The following LHFPL3 variants were observed in gnomAD, a reference collection of about 807,000 sequenced individuals.
LHFPL3 encodes the protein LHFPL tetraspan subfamily member 3, also known as LHFPL tetraspan subfamily member 3 protein.
A neutral mutation model predicts 19.3 loss-of-function variants in LHFPL3; 5 were observed. The observed-to-expected ratio is 0.26, with a 90% CI of 0.14 to 0.54. The LOEUF (loss-of-function observed/expected upper bound fraction) is 0.54, where lower values mean the gene tolerates loss of function less well. LHFPL3 is among the 20% of genes least tolerant of loss of function. LHFPL3 has a pLI of 0.94. For synonymous variants in LHFPL3, 133 were observed against 126.2 expected, an observed-to-expected ratio of 1.05 and a Z score of -0.36; for missense variants, 249 against 307.4, an observed-to-expected ratio of 0.81 and a Z score of 1.42.
At chr7:104,584,613 G>T (rs191139963) in intron 1 of LHFPL3, among the ~76,000 whole-genome samples, 8 of 152,232 alleles carry the variant, frequency 5.3e-5, no homozygotes, top group African/African-American at 1.9e-4. Flanking sequence ...GTAGACTTCA[G>T]TTGTTATATA....
At chr7:104,634,908 A>G (rs1791705046) in intron 1 of LHFPL3, among the ~76,000 whole-genome samples, 2 of 152,224 alleles carry the variant, frequency 1.3e-5, no homozygotes, top group African/African-American at 4.8e-5. Flanking sequence ...CATGAAATGT[A>G]GAAACTAAAA....
intron 1 of LHFPL3, among the ~76,000 whole-genome samples, chr7:104,480,293 T>C (rs1270754590): frequency 5.3e-5 from 8 of 152,150 alleles, no homozygotes; most frequent in African/African-American, 1.9e-4. Context: ...TCTAGCTCAG[T>C]ACCTGATGCA....
chr7:104,598,260 C>A (rs1289405855), intron 1 of LHFPL3, among the ~76,000 whole-genome samples: 1 of 152,178 alleles, frequency 6.6e-6, no homozygotes, highest in Non-Finnish European at 1.5e-5. Context: ...TCATACAATT[C>A]TGACTGAAAA....
At chr7:104,525,033 T>TG (rs1391373290) in intron 1 of LHFPL3, among the ~76,000 whole-genome samples, 48 of 152,348 alleles carry the variant, frequency 3.2e-4, no homozygotes, top group African/African-American at 1.1e-3. Context: ...GAGAAGGTGG[T>TG]GCTGATTTAA....
rs541500860 is a variant in LHFPL3 at position 104,798,659 on chromosome 7, A to G, written c.682+61748A>G. Reference sequence around the variant, plus strand: ...GTAAAAATACAATGTAATGTAAGTCATCCTAATAACAAGAAAGATAGGTGC... The same window carrying G: ...GTAAAAATACAATGTAATGTAAGTCGTCCTAATAACAAGAAAGATAGGTGC... On this transcript the variant is annotated intron_variant, in intron 2 of 2. Transcript: ENST00000424859. 1.6e-4 allele frequency among the ~76,000 whole-genome samples: 24 copies of G among 152,262 alleles called. No individual in the cohort carries two copies. In the South Asian group the frequency reaches 5.0e-3, roughly 32 times the overall value.
chr7:104,393,697 C>G (rs1300235686), intron 1 of LHFPL3, among the ~76,000 whole-genome samples: 1 of 152,050 alleles, frequency 6.6e-6, no homozygotes, highest in African/African-American at 2.4e-5. Flanking sequence ...GCCTGGGTAA[C>G]ACAGTGAGAC....
chr7:104,502,344 T>C (rs1381105547), intron 1 of LHFPL3, among the ~76,000 whole-genome samples: 4 of 151,954 alleles, frequency 2.6e-5, no homozygotes, highest in African/African-American at 4.8e-5. Context: ...GAAGTCACTG[T>C]TGAGTGCTTC....
intron 1 of LHFPL3, among the ~76,000 whole-genome samples, chr7:104,437,002 C>A (rs1469416069): frequency 6.6e-6 from 1 of 152,088 alleles, no homozygotes; most frequent in Non-Finnish European, 1.5e-5. Flanking sequence ...GCCTTCATTG[C>A]TAAAAATGAC....
intron 2 of LHFPL3, among the ~76,000 whole-genome samples, chr7:104,842,986 A>C (rs988603575): frequency 6.6e-6 from 1 of 152,198 alleles, no homozygotes; most frequent in Non-Finnish European, 1.5e-5. Flanking sequence ...TGAGCACTAT[A>C]ATCTGTGTCC....
At chr7:104,608,349 A>G (rs1383986279) in intron 1 of LHFPL3, among the ~76,000 whole-genome samples, 1 of 151,898 alleles carries the variant, frequency 6.6e-6, no homozygotes, top group African/African-American at 2.4e-5. Flanking sequence ...CTTTGTAGGG[A>G]CATGGATGAA....
chr7:104,833,045 T>TATATATA (rs1554349410), intron 2 of LHFPL3, among the ~76,000 whole-genome samples: 10 of 634 alleles, frequency 0.016, 1 homozygote, highest in Non-Finnish European at 0.035. Context: ...ATATATATAT[T>TATATATA]ATATATATAT....
chr7:104,714,658 G>A (rs1584493558), intron 1 of LHFPL3, among the ~76,000 whole-genome samples: 1 of 152,186 alleles, frequency 6.6e-6, no homozygotes, highest in Non-Finnish European at 1.5e-5. Flanking sequence ...TAGACATAAG[G>A]AATAATCAGT....
At chr7:104,407,439 C>T (rs572770808) in intron 1 of LHFPL3, among the ~76,000 whole-genome samples, 4 of 152,286 alleles carry the variant, frequency 2.6e-5, no homozygotes, top group African/African-American at 7.2e-5. Flanking sequence ...GGCAGATCAC[C>T]TGAGGTCATG....
At chr7:104,387,753 A>G (rs908563898) in intron 1 of LHFPL3, among the ~76,000 whole-genome samples, 1 of 152,222 alleles carries the variant, frequency 6.6e-6, no homozygotes, top group African/African-American at 2.4e-5. Context: ...GAAGTCCACA[A>G]CTACGTACAT....
chr7:104,425,190 A>G (rs1388816210), intron 1 of LHFPL3, among the ~76,000 whole-genome samples: 1 of 151,622 alleles, frequency 6.6e-6, no homozygotes, highest in Non-Finnish European at 1.5e-5. Context: ...TGGGAATGAG[A>G]TAGGAAGCAG....
chr7:104,565,642 A>G (rs1391726524), intron 1 of LHFPL3, among the ~76,000 whole-genome samples: 1 of 152,090 alleles, frequency 6.6e-6, no homozygotes, highest in African/African-American at 2.4e-5. Flanking sequence ...AAACAAATGC[A>G]TGCACTTCAT....
intron 1 of LHFPL3, among the ~76,000 whole-genome samples, chr7:104,523,064 T>G (rs1584378824): frequency 6.7e-6 from 1 of 149,636 alleles, no homozygotes; most frequent in East Asian, 2.0e-4. Context: ...CATATACACA[T>G]ATATATACAC....
intron 1 of LHFPL3, among the ~76,000 whole-genome samples, chr7:104,713,998 A>G (rs1291078306): frequency 6.6e-6 from 1 of 152,198 alleles, no homozygotes; most frequent in Non-Finnish European, 1.5e-5. Flanking sequence ...CTGGCAGGCT[A>G]AGACTGGGTT....
chr7:104,527,582 A>G (rs1056396720), intron 1 of LHFPL3, among the ~76,000 whole-genome samples: 4 of 152,198 alleles, frequency 2.6e-5, no homozygotes. Context: ...TTCAAATTGG[A>G]CAATAGGTCA....
Sources: allele counts gnomAD v4.1 joint callset (sites outside exome capture counted in the v4.1 genomes callset), GRCh38; gene constraint gnomAD v4.1.1; transcripts MANE v1.5; gene names NCBI Gene and HGNC (gene_info 2026-07-23, HGNC 2026-07-21).